Variants in TMOD3 observed in about 807,000 individuals in gnomAD.
The protein encoded by TMOD3 is tropomodulin-3.
Under a neutral mutation model 39.2 loss-of-function variants are expected in TMOD3, and 20 were observed. The observed-to-expected ratio is 0.51, with a 90% CI of 0.36 to 0.74. The LOEUF (loss-of-function observed/expected upper bound fraction) is 0.74. Ranked by LOEUF, TMOD3 falls within the 30% of genes least tolerant of loss-of-function variation. The pLI is 0.00. For synonymous variants in TMOD3, 143 were observed against 145.8 expected (o/e 0.98, Z 0.14); for missense variants, 381 against 412.8 (o/e 0.92, Z 0.67).
chr15:51,841,810 C>T (rs1450821503), intron 1 of TMOD3, among the ~76,000 whole-genome samples: 4 of 152,184 alleles, frequency 2.6e-5, no homozygotes, highest in Non-Finnish European at 5.9e-5. Flanking sequence ...CATTCTGTCA[C>T]ACAGGCTGGA....
intron 6 of TMOD3, 47 bp downstream of exon 6, chr15:51,893,992 A>G (rs773010045): frequency 1.4e-6 from 2 of 1,477,910 alleles, no homozygotes; most frequent in African/African-American, 2.8e-5. Flanking sequence ...GAGTTAGTTG[A>G]ACCTAGGATG....
intron 9 of TMOD3, chr15:51,907,397 T>G (rs2056687501): frequency 6.6e-6 from 1 of 152,226 alleles, no homozygotes; most frequent in Admixed American, 6.5e-5. Context: ...AACCTGATAC[T>G]TTAGTCCTTC....
At chr15:51,896,040 A>G (rs2056618889) in intron 6 of TMOD3, among the ~76,000 whole-genome samples, 1 of 152,178 alleles carries the variant, frequency 6.6e-6, no homozygotes, top group Non-Finnish European at 1.5e-5. Flanking sequence ...CCTGGGAGAT[A>G]GAGGTTGCAG....
chr15:51,833,145 T>TTTAAATTGTTTTTGAAATAGGC (rs1440504393), intron 1 of TMOD3: 2 of 152,230 alleles, frequency 1.3e-5, no homozygotes, highest in African/African-American at 4.8e-5. Context: ...TTGTAAACAA[T>TTTAAATTGTTTTTGAAATAGGC]CAAATTTAAT....
chr15:51,867,350 T>A (rs575901901), intron 2 of TMOD3, among the ~76,000 whole-genome samples: 2 of 152,358 alleles, frequency 1.3e-5, no homozygotes, highest in African/African-American at 4.8e-5. Context: ...GTGTAATTCC[T>A]CTCATGATTT....
rs1224977844 is a variant in TMOD3 at position 51,869,886 on chromosome 15, T to G, written c.283+513T>G. 5.9e-5 allele frequency among the ~76,000 whole-genome samples: 9 copies of G among 152,224 alleles called. No individual in the cohort carries two copies. The South Asian group carries it at 1.7e-3, about 28-fold the overall frequency. On this transcript the variant is annotated intron_variant, in intron 3 of 9. Transcript: ENST00000308580. ...TCCAAGTCTCCCCCATTTAAGTGTT[T>G]GAGCTTATGTATTCTCAGTGGAGCC...
intron 1 of TMOD3, among the ~76,000 whole-genome samples, chr15:51,839,358 A>G (rs1329743658): frequency 6.6e-6 from 1 of 150,810 alleles, no homozygotes; most frequent in African/African-American, 2.4e-5. Context: ...TTTTATAGAG[A>G]TGGGGTCTCT....
At chr15:51,869,929 G>GTTTT (rs899128990) in intron 3 of TMOD3, among the ~76,000 whole-genome samples, 2 of 151,736 alleles carry the variant, frequency 1.3e-5, no homozygotes, top group South Asian at 4.2e-4. Flanking sequence ...GGCTGTGGTT[G>GTTTT]TTTTTTTGTT....
At chr15:51,864,881 A>T (rs2056437585) in intron 2 of TMOD3, among the ~76,000 whole-genome samples, 1 of 151,854 alleles carries the variant, frequency 6.6e-6, no homozygotes, top group Admixed American at 6.6e-5. Context: ...GCTCCGGGGG[A>T]GGTTGGTGGG....
intron 1 of TMOD3, among the ~76,000 whole-genome samples, chr15:51,857,272 T>C (rs1024152596): frequency 6.6e-6 from 1 of 152,222 alleles, no homozygotes; most frequent in Non-Finnish European, 1.5e-5. Flanking sequence ...GTGGCTACTT[T>C]TGGAAGAGGA....
chr15:51,832,914 A>C (rs560382598), intron 1 of TMOD3, among the ~76,000 whole-genome samples: 1 of 152,328 alleles, frequency 6.6e-6, no homozygotes, highest in South Asian at 2.1e-4. Context: ...TTTAATATGC[A>C]TGAGCTCTCT....
intron 1 of TMOD3, among the ~76,000 whole-genome samples, chr15:51,854,352 T>A (rs1277462356): frequency 6.6e-6 from 1 of 152,232 alleles, no homozygotes; most frequent in Non-Finnish European, 1.5e-5. Flanking sequence ...CCCCTGTAGT[T>A]TGCCTAACCC....
intron 1 of TMOD3, among the ~76,000 whole-genome samples, chr15:51,859,029 A>AGTT (rs2056402648): frequency 6.6e-6 from 1 of 152,230 alleles, no homozygotes; most frequent in Non-Finnish European, 1.5e-5. Flanking sequence ...ATTTTTTAAA[A>AGTT]AATTAACAAG....
chr15:51,890,445 G>A (rs997764758), intron 5 of TMOD3, among the ~76,000 whole-genome samples: 2 of 151,636 alleles, frequency 1.3e-5, no homozygotes, highest in Admixed American at 6.6e-5. Flanking sequence ...CCAAAGTGCT[G>A]GGATTACAGG....
intron 1 of TMOD3, 113 bp from the exon 2 acceptor site, chr15:51,862,698 T>C: frequency 2.6e-6 from 1 of 391,138 alleles, no homozygotes; most frequent in Non-Finnish European, 4.4e-6. Context: ...ATGTGATATG[T>C]GATCAAAGAA....
At chr15:51,872,211 A>G (rs1325877665) in intron 3 of TMOD3, among the ~76,000 whole-genome samples, 1 of 152,178 alleles carries the variant, frequency 6.6e-6, no homozygotes, top group African/African-American at 2.4e-5. Flanking sequence ...CCTGGCCAAC[A>G]TGGTGAAACC....
At chr15:51,899,676 A>G (rs1566867627) in intron 7 of TMOD3, among the ~76,000 whole-genome samples, 2 of 152,042 alleles carry the variant, frequency 1.3e-5, no homozygotes, top group African/African-American at 2.4e-5. Context: ...AAAAAAAAAA[A>G]AAAGAAAGAA....
At chr15:51,851,992 C>A (rs2056364410) in intron 1 of TMOD3, among the ~76,000 whole-genome samples, 1 of 152,108 alleles carries the variant, frequency 6.6e-6, no homozygotes. Flanking sequence ...CCTGATCCTC[C>A]CCACCTCCTT....
At chr15:51,893,972 G>T in intron 6 of TMOD3, 27 bp downstream of exon 6, 1 of 1,522,798 alleles carries the variant, frequency 6.6e-7, no homozygotes. Flanking sequence ...GAGTGGTTTT[G>T]TATTGCTTTG....
Sources: allele counts gnomAD v4.1 joint callset (sites outside exome capture counted in the v4.1 genomes callset), GRCh38; gene constraint gnomAD v4.1.1; transcripts MANE v1.5; gene names NCBI Gene and HGNC (gene_info 2026-07-23, HGNC 2026-07-21).